GALNTL6: variants seen among roughly 807,000 people sequenced by gnomAD.
GALNTL6 encodes the protein polypeptide N-acetylgalactosaminyltransferase like 6.
A neutral mutation model predicts 73.7 loss-of-function variants in GALNTL6; 46 were observed. The ratio of observed to expected loss-of-function variants is 0.62; its 90% CI spans 0.49 to 0.80. The LOEUF is 0.80. GALNTL6 is among the 30% of genes least tolerant of loss of function. The pLI is 0.00. For missense variants in GALNTL6, 604 were observed against 755.0 expected (o/e 0.80, Z 2.34); for synonymous variants, 259 against 263.7 (o/e 0.98, Z 0.17).
At chr4:172,066,554 T>C (rs1055078033) in intron 2 of GALNTL6, among the ~76,000 whole-genome samples, 18 of 151,422 alleles carry the variant, frequency 1.2e-4, no homozygotes, top group Non-Finnish European at 2.1e-4. Context: ...TTTTTTTAAT[T>C]TCCTGTTATG....
At chr4:172,040,834 A>G (rs1166663183) in intron 2 of GALNTL6, among the ~76,000 whole-genome samples, 1 of 152,104 alleles carries the variant, frequency 6.6e-6, no homozygotes, top group East Asian at 1.9e-4. Flanking sequence ...TTATCTTAGA[A>G]TAATTAAACT....
chr4:172,285,733 C>G (rs969281554), intron 3 of GALNTL6, among the ~76,000 whole-genome samples: 2 of 152,170 alleles, frequency 1.3e-5, no homozygotes, highest in African/African-American at 4.8e-5. Flanking sequence ...AAGCCAAGCT[C>G]TTTCCTGTCT....
intron 7 of GALNTL6, among the ~76,000 whole-genome samples, chr4:172,818,939 A>G (rs1741771180): frequency 6.6e-6 from 1 of 152,184 alleles, no homozygotes; most frequent in African/African-American, 2.4e-5. Context: ...TATGTTCCAC[A>G]GACATATCAG....
intron 10 of GALNTL6, among the ~76,000 whole-genome samples, chr4:172,988,947 A>C (rs2126450873): frequency 6.6e-6 from 1 of 152,360 alleles, no homozygotes; most frequent in Non-Finnish European, 1.5e-5. Flanking sequence ...AGTCTGCTGC[A>C]GGGGCCTGCA....
intron 5 of GALNTL6, among the ~76,000 whole-genome samples, chr4:172,737,788 A>T (rs1437851): frequency 6.6e-6 from 1 of 152,076 alleles, no homozygotes; most frequent in Non-Finnish European, 1.5e-5. Flanking sequence ...ATTCTTTACT[A>T]GTGGATTGCT....
chr4:172,664,749 C>G (rs1731570065), intron 5 of GALNTL6, among the ~76,000 whole-genome samples: 1 of 152,192 alleles, frequency 6.6e-6, no homozygotes, highest in South Asian at 2.1e-4. Context: ...TTCCTACATA[C>G]AAATTGGCCG....
intron 2 of GALNTL6, among the ~76,000 whole-genome samples, chr4:172,005,593 T>G (rs887195241): frequency 5.3e-5 from 8 of 152,196 alleles, no homozygotes; most frequent in Non-Finnish European, 1.2e-4. Flanking sequence ...CTATGATATA[T>G]ATCTACATAT....
intron 2 of GALNTL6, among the ~76,000 whole-genome samples, chr4:171,903,151 T>G (rs7692888): frequency 0.57 from 86,884 of 151,998 alleles, 26,060 homozygotes; most frequent in African/African-American, 0.77. Flanking sequence ...CAAGATGGCC[T>G]AATAGGAACA....
At chr4:172,149,844 A>C (rs1343743639) in intron 2 of GALNTL6, among the ~76,000 whole-genome samples, 1 of 152,120 alleles carries the variant, frequency 6.6e-6, no homozygotes, top group Non-Finnish European at 1.5e-5. Context: ...ACAAAATATC[A>C]CACCATTGAG....
At position 172,138,513 on chromosome 4, in the gene GALNTL6, A is replaced by ATTTT. The variant is rs1169097172; in HGVS notation, c.139-91112_139-91109dup. Among the ~76,000 whole-genome samples, 4 of 7,790 alleles carry ATTTT rather than the reference A, an allele frequency of 5.1e-4. 1 individual carries two copies. Among genetic ancestry groups the ATTTT allele is most frequent in the Non-Finnish European group, 9.2e-4 (4 of 4,360 alleles). The allele number at this position is 7,790 out of a possible 152,430, so 5.1% of individuals were successfully genotyped here. A position where few individuals can be genotyped will look rare whatever the true frequency, so the allele number is the denominator to read the frequency against. ...TATATATATATATATATATATATAT[A>ATTTT]TTTTTTTTTTTTTTTTTTTTTTTTT... On this transcript the variant is annotated intron_variant, in intron 2 of 12. Transcript: ENST00000506823.
rs368217872 is a variant in GALNTL6, at chr4:172,394,935, A to C, written c.553+46246A>C. 3.3e-5 allele frequency among the ~76,000 whole-genome samples: 5 copies of C among 152,276 alleles called. No homozygotes were observed. The East Asian group carries it at 9.6e-4, about 29-fold the overall frequency. On this transcript the variant is annotated intron_variant, in intron 5 of 12. Transcript: ENST00000506823. Reference sequence around the variant, plus strand: ...GCAGCAATTACTATCATTTATATTAAGTTTACTCATCAGCTGTGTTTCAGA... The same window carrying C: ...GCAGCAATTACTATCATTTATATTACGTTTACTCATCAGCTGTGTTTCAGA...
intron 5 of GALNTL6, among the ~76,000 whole-genome samples, chr4:172,540,831 C>T (rs975643991): frequency 6.6e-6 from 1 of 152,050 alleles, no homozygotes; most frequent in Admixed American, 6.6e-5. Flanking sequence ...GAGCCAAGGC[C>T]CTTGTTATAT....
intron 3 of GALNTL6, among the ~76,000 whole-genome samples, chr4:172,308,161 GTAAATGAATTTTTACTGTT>G (rs1364544240): frequency 8.4e-6 from 1 of 119,646 alleles, no homozygotes; most frequent in African/African-American, 3.7e-5. Flanking sequence ...TCATTTACCA[GTAAATGAATTTTTACTGTT>G]TACTGGTAAA....
At chr4:171,864,642 T>C (rs1027349697) in intron 2 of GALNTL6, among the ~76,000 whole-genome samples, 1 of 152,124 alleles carries the variant, frequency 6.6e-6, no homozygotes, top group Non-Finnish European at 1.5e-5. Context: ...TAAAGCTAGG[T>C]TTTGGCTTCA....
chr4:172,142,865 A>G (rs1426252567), intron 2 of GALNTL6, among the ~76,000 whole-genome samples: 1 of 151,996 alleles, frequency 6.6e-6, no homozygotes, highest in Non-Finnish European at 1.5e-5. Context: ...ATTAACAGAA[A>G]ATACATTGAA....
chr4:172,300,882 T>G (rs909430687), intron 3 of GALNTL6, among the ~76,000 whole-genome samples: 40 of 152,160 alleles, frequency 2.6e-4, no homozygotes, highest in Non-Finnish European at 4.6e-4. Flanking sequence ...CTTTGTGGCA[T>G]TCTCTGTATT....
chr4:172,915,115 A>G (rs1234641373), intron 8 of GALNTL6, among the ~76,000 whole-genome samples: 2 of 152,250 alleles, frequency 1.3e-5, no homozygotes, highest in Admixed American at 1.3e-4. Flanking sequence ...CCTCACAACT[A>G]CATGGAAACT....
chr4:172,734,278 A>G (rs1381771019), intron 5 of GALNTL6, among the ~76,000 whole-genome samples: 1 of 152,150 alleles, frequency 6.6e-6, no homozygotes, highest in Non-Finnish European at 1.5e-5. Context: ...AGAAAAACCC[A>G]TTTTCTGGGG....
At chr4:172,519,887 A>T (rs1053058598) in intron 5 of GALNTL6, among the ~76,000 whole-genome samples, 1 of 151,808 alleles carries the variant, frequency 6.6e-6, no homozygotes, top group African/African-American at 2.4e-5. Context: ...CTTCACTCTA[A>T]TAGTCCTCCT....
Sources: allele counts gnomAD v4.1 joint callset (sites outside exome capture counted in the v4.1 genomes callset), GRCh38; gene constraint gnomAD v4.1.1; transcripts MANE v1.5; gene names NCBI Gene and HGNC (gene_info 2026-07-23, HGNC 2026-07-21).